Variants in ELAVL2 observed in about 807,000 individuals in gnomAD.
ELAVL2 encodes the protein ELAV-like protein 2.
Under a neutral mutation model 34.6 loss-of-function variants are expected in ELAVL2, and 4 were observed. That is an observed-to-expected ratio of 0.12 (90% CI 0.06 to 0.26). The LOEUF is 0.26. Ranked by LOEUF, ELAVL2 falls within the 10% of genes least tolerant of loss-of-function variation. The pLI is 1.00. For synonymous variants in ELAVL2, 193 were observed against 154.8 expected, an observed-to-expected ratio of 1.25 and a Z score of -1.83; for missense variants, 432 against 442.8, an observed-to-expected ratio of 0.98 and a Z score of 0.22.
chr9:23,771,502 T>C (rs1054387176), intron 1 of ELAVL2, among the ~76,000 whole-genome samples: 1 of 152,100 alleles, frequency 6.6e-6, no homozygotes, highest in Non-Finnish European at 1.5e-5. Context: ...TCCAGAGTTA[T>C]TCACTTTATG....
At chr9:23,774,040 T>A (rs1012589822) in intron 1 of ELAVL2, among the ~76,000 whole-genome samples, 2 of 151,408 alleles carry the variant, frequency 1.3e-5, no homozygotes, top group Admixed American at 6.6e-5. Flanking sequence ...TGAAACCCCA[T>A]CTCTATTAAA....
At chr9:23,703,124 G>A (rs10811958) in intron 4 of ELAVL2, among the ~76,000 whole-genome samples, 1 of 152,096 alleles carries the variant, frequency 6.6e-6, no homozygotes, top group African/African-American at 2.4e-5. Context: ...CAGGGTTCCA[G>A]AAGACTGCTG....
intron 1 of ELAVL2, among the ~76,000 whole-genome samples, chr9:23,794,916 A>G (rs764509700): frequency 7.2e-5 from 11 of 152,178 alleles, no homozygotes; most frequent in Admixed American, 2.0e-4. Flanking sequence ...TCCTAGAAAA[A>G]TAAAATTTAA....
intron 1 of ELAVL2, chr9:23,765,179 G>T (rs878977641): frequency 7.7e-7 from 1 of 1,291,100 alleles, no homozygotes. Flanking sequence ...AATTTACAGT[G>T]ATTGTATTGA....
intron 2 of ELAVL2, among the ~76,000 whole-genome samples, chr9:23,747,003 TCCTTCTCTA>T (rs2135424822): frequency 6.6e-6 from 1 of 152,182 alleles, no homozygotes; most frequent in African/African-American, 2.4e-5. Flanking sequence ...GACAATTCCC[TCCTTCTCTA>T]CCTCCCTTGA....
At chr9:23,775,912 G>C (rs961010068) in intron 1 of ELAVL2, among the ~76,000 whole-genome samples, 2 of 152,148 alleles carry the variant, frequency 1.3e-5, no homozygotes, top group African/African-American at 4.8e-5. Flanking sequence ...GAACCACTCA[G>C]TTGGACCAGA....
intron 1 of ELAVL2, among the ~76,000 whole-genome samples, chr9:23,802,389 G>C (rs1192995719): frequency 6.6e-6 from 1 of 152,208 alleles, no homozygotes; most frequent in Non-Finnish European, 1.5e-5. Flanking sequence ...AAACTTTCTA[G>C]TGATAGAATT....
At chr9:23,790,212 G>A (rs1771059197) in intron 1 of ELAVL2, among the ~76,000 whole-genome samples, 1 of 152,074 alleles carries the variant, frequency 6.6e-6, no homozygotes, top group Admixed American at 6.6e-5. Context: ...GAATACCAGA[G>A]AGAGATGAGA....
chr9:23,731,212 T>C lies in ELAVL2; in HGVS notation c.230-87A>G, dbSNP rs2046448099. ...TTCATTTTGGCATATGGTCTTGTCA[T>C]TAACACCAGCATATTTCCTCAACAG... On this transcript the variant is annotated intron_variant, in intron 2 of 6. Coordinates refer to ENST00000397312, the MANE Select transcript of ELAVL2 (RefSeq NM_004432.5). The C allele has an allele frequency of 4.7e-6, 5 of 1,064,414 alleles. No homozygotes were observed. The East Asian group carries it at 1.3e-4, about 27-fold the overall frequency. 65.9% of individuals were successfully genotyped at this position (1,064,414 alleles called of 1,614,324 possible). A position where few individuals can be genotyped will look rare whatever the true frequency, so the allele number is the denominator to read the frequency against.
At chr9:23,821,552 G>C (rs2064732771) in intron 1 of ELAVL2, 1 of 152,334 alleles carries the variant, frequency 6.6e-6, no homozygotes, top group Non-Finnish European at 1.5e-5. Context: ...GTCCAAAATG[G>C]ACCAGGGGCA....
chr9:23,838,342 C>A, the ELAVL2 span, among the ~76,000 whole-genome samples: 6 of 152,036 alleles, frequency 3.9e-5, no homozygotes, highest in Non-Finnish European at 7.4e-5. Flanking sequence ...GGCCTATAGC[C>A]ACCAGGTGGG....
intron 3 of ELAVL2, among the ~76,000 whole-genome samples, chr9:23,706,517 T>G (rs921794622): frequency 8.5e-5 from 13 of 152,192 alleles, no homozygotes; most frequent in African/African-American, 3.1e-4. Context: ...AACCTATCTT[T>G]GCCAACATTT....
At chr9:23,825,234 C>G (rs1297810769) in intron 1 of ELAVL2, among the ~76,000 whole-genome samples, 2 of 152,174 alleles carry the variant, frequency 1.3e-5, no homozygotes, top group African/African-American at 2.4e-5. Flanking sequence ...CAGCCCCAGC[C>G]CCAGCCCTCA....
intron 1 of ELAVL2, among the ~76,000 whole-genome samples, chr9:23,775,400 T>C (rs2058028529): frequency 1.3e-5 from 2 of 152,198 alleles, no homozygotes; most frequent in African/African-American, 2.4e-5. Flanking sequence ...ATAAGCTATA[T>C]TACATTCTCT....
intron 3 of ELAVL2, among the ~76,000 whole-genome samples, chr9:23,706,980 T>C (rs2039530105): frequency 6.6e-6 from 1 of 152,314 alleles, no homozygotes; most frequent in African/African-American, 2.4e-5. Flanking sequence ...CATTAACAAG[T>C]GAAAATATAC....
intron 3 of ELAVL2, among the ~76,000 whole-genome samples, chr9:23,715,540 A>T (rs2042072711): frequency 6.6e-6 from 1 of 152,224 alleles, no homozygotes; most frequent in Non-Finnish European, 1.5e-5. Flanking sequence ...ACTGAAAACA[A>T]CGCAGGCTAA....
chr9:23,790,994 T>C (rs2060258394), intron 1 of ELAVL2, among the ~76,000 whole-genome samples: 1 of 152,160 alleles, frequency 6.6e-6, no homozygotes, highest in Non-Finnish European at 1.5e-5. Context: ...CCTCTTGACA[T>C]CTGTGGCAAA....
chr9:23,731,858 T>C (rs188409306), intron 2 of ELAVL2, among the ~76,000 whole-genome samples: 34 of 152,246 alleles, frequency 2.2e-4, no homozygotes, highest in African/African-American at 8.2e-4. Flanking sequence ...AAGTTGCTTC[T>C]AAGTGTTTGT....
intron 3 of ELAVL2, among the ~76,000 whole-genome samples, chr9:23,712,105 T>C (rs1277144995): frequency 6.6e-6 from 1 of 152,148 alleles, no homozygotes; most frequent in Non-Finnish European, 1.5e-5. Flanking sequence ...AGTCTTAATT[T>C]TGGAGCAAAA....
Sources: gnomAD v4.1 joint callset for allele counts (sites outside exome capture counted in the v4.1 genomes callset) on GRCh38, gnomAD v4.1.1 for gene constraint, MANE v1.5 for transcripts, NCBI Gene and HGNC (gene_info 2026-07-23, HGNC 2026-07-21) for gene names.